RRAGD: variants seen among roughly 807,000 people sequenced by gnomAD.
RRAGD encodes ras-related GTP-binding protein D.
In RRAGD, 12 loss-of-function variants were observed where a neutral mutation model predicts 35.5. The ratio of observed to expected loss-of-function variants is 0.34; its 90% CI spans 0.22 to 0.55. The LOEUF is 0.55. RRAGD is among the 20% of genes least tolerant of loss of function. The pLI is 0.91. For synonymous variants in RRAGD, 155 were observed against 178.9 expected, an observed-to-expected ratio of 0.87 and a Z score of 1.07; for missense variants, 324 against 490.1, an observed-to-expected ratio of 0.66 and a Z score of 3.20.
At chr6:89,402,562 G>A (rs1769492976) in intron 1 of RRAGD, among the ~76,000 whole-genome samples, 1 of 152,136 alleles carries the variant, frequency 6.6e-6, no homozygotes. Flanking sequence ...AGAAGCCCTG[G>A]GTTCCTGACC....
chr6:89,403,126 T>A (rs1045653791), intron 1 of RRAGD, among the ~76,000 whole-genome samples: 2 of 152,172 alleles, frequency 1.3e-5, no homozygotes, highest in Non-Finnish European at 2.9e-5. Context: ...TCATGTTAGG[T>A]GTTTTTACCA....
At chr6:89,403,705 G>C (rs1769524412) in intron 1 of RRAGD, among the ~76,000 whole-genome samples, 1 of 147,602 alleles carries the variant, frequency 6.8e-6, no homozygotes, top group South Asian at 2.1e-4. Context: ...CTCAATCATA[G>C]CTCACTGCAG....
Position 89,368,003 on chromosome 6 carries a change from G to T in RRAGD, c.*53C>A. On this transcript the variant is annotated 3_prime_UTR_variant, in exon 7 of 7. Transcript: ENST00000369415. Reference sequence around the variant, plus strand: ...TCCTCTTCCTTTAGTGCAACATGGCGCAGCAGCCTCATGGATAAGGTCTGA... The same window carrying T: ...TCCTCTTCCTTTAGTGCAACATGGCTCAGCAGCCTCATGGATAAGGTCTGA... The T allele has an allele frequency of 1.4e-6, 2 of 1,472,180 alleles. No homozygotes were observed. Among genetic ancestry groups the T allele is most frequent in the Non-Finnish European group, 1.8e-6 (2 of 1,095,334 alleles). 91.2% of individuals were successfully genotyped at this position (1,472,180 alleles called of 1,614,324 possible).
At chr6:89,404,758 C>A (rs548655596) in intron 1 of RRAGD, among the ~76,000 whole-genome samples, 2 of 152,276 alleles carry the variant, frequency 1.3e-5, no homozygotes, top group East Asian at 3.9e-4. Flanking sequence ...GCCTCGAGTA[C>A]AACAGGGCTG....
intron 6 of RRAGD, among the ~76,000 whole-genome samples, chr6:89,369,185 C>G (rs2127883184): frequency 6.6e-6 from 1 of 152,276 alleles, no homozygotes; most frequent in East Asian, 1.9e-4. Flanking sequence ...GTAGTGCCCT[C>G]TGCTGCTTCT....
intron 5 of RRAGD, among the ~76,000 whole-genome samples, chr6:89,377,217 G>T (rs74764823): frequency 0.055 from 8,447 of 152,274 alleles, 330 homozygotes; most frequent in Non-Finnish European, 0.082. Context: ...AAGTTTGTCA[G>T]GGGGGAAATA....
intron 1 of RRAGD, among the ~76,000 whole-genome samples, chr6:89,406,671 T>G (rs1317069135): frequency 6.6e-6 from 1 of 152,130 alleles, no homozygotes; most frequent in East Asian, 1.9e-4. Flanking sequence ...CCAGGTGTGA[T>G]CCGATTCTTC....
chr6:89,406,271 G>T (rs547730400), intron 1 of RRAGD, among the ~76,000 whole-genome samples: 17 of 152,140 alleles, frequency 1.1e-4, no homozygotes, highest in Non-Finnish European at 2.4e-4. Context: ...AGAGAGAAGG[G>T]CATGGTCCCT....
intron 5 of RRAGD, among the ~76,000 whole-genome samples, chr6:89,377,013 G>A (rs911558734): frequency 5.3e-5 from 8 of 152,128 alleles, no homozygotes; most frequent in African/African-American, 1.9e-4. Context: ...GACAATGAGG[G>A]TAAAGACCTT....
chr6:89,397,057 T>C (rs958268674), intron 1 of RRAGD, among the ~76,000 whole-genome samples: 2 of 151,912 alleles, frequency 1.3e-5, no homozygotes, highest in Admixed American at 6.6e-5. Context: ...ATTTTAAAAG[T>C]GAAACAAGCA....
rs765322439 is a variant in RRAGD, at chr6:89,367,723, G to T, written c.*333C>A. The T allele has an allele frequency of 5.3e-5, 11 of 205,854 alleles. No homozygotes were observed. Among genetic ancestry groups the T allele is most frequent in the Non-Finnish European group, 8.7e-5 (9 of 103,984 alleles). The allele number at this position is 205,854 out of a possible 1,614,324, so 12.8% of individuals were successfully genotyped here. ...AGCTTAGAAAAGTCGTTTTATCAAA[G>T]TTCAGTTCAATGAGAAACATGAAAA... On this transcript the variant is annotated 3_prime_UTR_variant, in exon 7 of 7. Transcript: ENST00000369415.
intron 4 of RRAGD, among the ~76,000 whole-genome samples, chr6:89,378,422 CT>C (rs575875976): frequency 6.0e-4 from 91 of 152,246 alleles, no homozygotes; most frequent in African/African-American, 2.1e-3. Context: ...AGTAAAAATA[CT>C]TTTACTGACT....
chr6:89,368,501 C>G (rs183152645), intron 6 of RRAGD, among the ~76,000 whole-genome samples: 180 of 151,520 alleles, frequency 1.2e-3, no homozygotes, highest in Non-Finnish European at 2.7e-4. Flanking sequence ...CTGAACTGAA[C>G]TTTTTTTTTA....
In RRAGD at chr6:89,387,573, G is replaced by A; in HGVS notation, c.166C>T (p.Pro56Ser). 6.2e-7 allele frequency: 1 copy of A among 1,612,978 alleles called. No homozygotes were observed. Among genetic ancestry groups the A allele is most frequent in the Non-Finnish European group, 8.5e-7 (1 of 1,179,352 alleles). The change falls in exon 2 of 7, where the codon CCC (proline) becomes TCC (serine). Residue 56 changes from proline to serine, a missense_variant. Transcript: ENST00000369415. ...TEEGVLDFSDPFSTEVKPRIL... is the reference protein window; with the variant it reads ...TEEGVLDFSDSFSTEVKPRIL... ...CTCGGCTTCACTTCAGTGCTGAAGG[G>A]GTCACTGAAGTCCAGAACTGGAGAA...
intron 3 of RRAGD, 104 bp downstream of exon 3, chr6:89,380,064 G>C: frequency 2.1e-6 from 2 of 947,264 alleles, no homozygotes; most frequent in South Asian, 1.5e-5. Flanking sequence ...AGGGTAAAAA[G>C]AAGGTAAATT....
Position 89,389,182 on chromosome 6 carries a change from C to T in RRAGD, c.149-1592G>A, listed in dbSNP as rs558703008. Among the ~76,000 whole-genome samples the T allele has an allele frequency of 7.9e-5, 12 of 152,272 alleles. No individual in the cohort carries two copies. In the South Asian group the frequency reaches 2.5e-3, roughly 32 times the overall value. On this transcript the variant is annotated intron_variant, in intron 1 of 6. Coordinates refer to ENST00000369415, the MANE Select transcript of RRAGD (RefSeq NM_021244.5). ...CAGAAAGTTCTAGAGGCCAGCACTA[C>T]ACCAGTTCCTGGTAACAAAAATTCA...
Position 89,411,913 on chromosome 6 carries a change from C to T in RRAGD, c.81G>A (p.Gly27=), listed in dbSNP as rs1769705858. The T allele has an allele frequency of 6.5e-7, 1 of 1,545,886 alleles. No individual in the cohort carries two copies. The part of the protein sequence containing the change: ...EEEEEEDELV[G]LADYGDGPDS... ...CGGGCCCGTCTCCGTAGTCCGCTAG[C>T]CCCACCAGCTCATCCTCCTCCTCCT... Residue 27 remains glycine, a synonymous_variant, in exon 1 of 7, where the codon GGG becomes GGA. Transcript: ENST00000369415. The surrounding 1 kb of genome is among the most constrained non-coding windows in gnomAD (Gnocchi z 5.6).
At chr6:89,391,956 CAA>C (rs5878093) in intron 1 of RRAGD, among the ~76,000 whole-genome samples, 32 of 99,072 alleles carry the variant, frequency 3.2e-4, no homozygotes, top group Admixed American at 4.9e-4. Context: ...GACCCTATCT[CAA>C]AAAAAAAAAA....
At chr6:89,393,982 C>T (rs1018566753) in intron 1 of RRAGD, among the ~76,000 whole-genome samples, 1 of 152,088 alleles carries the variant, frequency 6.6e-6, no homozygotes, top group Non-Finnish European at 1.5e-5. Flanking sequence ...GTCAAAGTCT[C>T]TCAAGATGCA....
Sources: gnomAD v4.1 joint callset for allele counts (sites outside exome capture counted in the v4.1 genomes callset) on GRCh38, gnomAD v4.1.1 for gene constraint, Gnocchi (gnomAD v3.1) non-coding constraint, MANE v1.5 for transcripts, NCBI Gene and HGNC (gene_info 2026-07-23, HGNC 2026-07-21) for gene names.